The following DNAAF9 variants were observed in gnomAD, a reference collection of about 807,000 sequenced individuals.
The protein encoded by DNAAF9 is dynein axonemal assembly factor 9.
In DNAAF9, 90 loss-of-function variants were observed where a neutral mutation model predicts 167.0. That is an observed-to-expected ratio of 0.54 (90% CI 0.45 to 0.64). The LOEUF is 0.64. DNAAF9 is among the 30% of genes least tolerant of loss of function. The pLI is 0.00. For synonymous variants in DNAAF9, 491 were observed against 508.8 expected (o/e 0.96, Z 0.47); for missense variants, 1,315 against 1,442.2 (o/e 0.91, Z 1.43).
chr20:3,359,561 G>C lies in DNAAF9; in HGVS notation c.645C>G (p.Val215=), dbSNP rs1193054840. The C allele has an allele frequency of 6.2e-7, 1 of 1,612,658 alleles. No homozygotes were observed. The highest frequency in any genetic ancestry group is 1.3e-5 in the African/African-American group (1 of 74,832). The change falls in exon 7 of 37, where the codon GTC becomes GTG. Residue 215 remains valine (V), a synonymous_variant. Transcript: ENST00000252032. ...GAGACATAGGATCCATCTTGCTGTA[G>C]ACATTCCATAGATTCAAACTCACAT... ...LQDVSLNLWN[V]YSKMDPMSLE...
chr20:3,391,343 A>T (rs995455582), intron 1 of DNAAF9, among the ~76,000 whole-genome samples: 3 of 152,120 alleles, frequency 2.0e-5, no homozygotes, highest in African/African-American at 7.2e-5. Flanking sequence ...AGTAAGTATT[A>T]AAAAACCCAC....
At chr20:3,295,236 G>A (rs997345114) in intron 23 of DNAAF9, among the ~76,000 whole-genome samples, 10 of 151,658 alleles carry the variant, frequency 6.6e-5, no homozygotes, top group South Asian at 2.1e-4. Context: ...GCAGTGGCAC[G>A]ATCTCGGCTC....
intron 28 of DNAAF9, among the ~76,000 whole-genome samples, chr20:3,280,255 G>A (rs1233365271): frequency 4.6e-5 from 7 of 152,048 alleles, no homozygotes; most frequent in African/African-American, 1.7e-4. Context: ...CACACAGTAA[G>A]CATTCTTTTA....
intron 34 of DNAAF9, among the ~76,000 whole-genome samples, chr20:3,255,731 G>A (rs2068268307): frequency 6.6e-6 from 1 of 152,234 alleles, no homozygotes; most frequent in Non-Finnish European, 1.5e-5. Context: ...GTTCTAGGAT[G>A]AACTAAACCC....
chr20:3,316,425 C>A (rs530761856), intron 18 of DNAAF9, among the ~76,000 whole-genome samples: 2 of 152,214 alleles, frequency 1.3e-5, no homozygotes, highest in South Asian at 4.1e-4. Flanking sequence ...CCGTTCAACT[C>A]CTAAGCTCAG....
intron 7 of DNAAF9, among the ~76,000 whole-genome samples, chr20:3,350,140 G>GACACACACACACACACAC (rs1491384105): frequency 9.2e-4 from 106 of 115,756 alleles, no homozygotes; most frequent in Middle Eastern, 5.4e-3. Context: ...CAGACACACA[G>GACACACACACACACACAC]ACACACAGAC....
intron 21 of DNAAF9, among the ~76,000 whole-genome samples, chr20:3,298,907 CTTTTTT>C (rs397865293): frequency 0.02 from 2,348 of 119,534 alleles, 69 homozygotes; most frequent in African/African-American, 0.07. Flanking sequence ...TGTTTTAGCT[CTTTTTT>C]TTTTTTTTTT....
intron 31 of DNAAF9, among the ~76,000 whole-genome samples, chr20:3,261,026 G>A (rs1430202852): frequency 6.6e-6 from 1 of 151,902 alleles, no homozygotes; most frequent in Non-Finnish European, 1.5e-5. Context: ...ACCTGTCACA[G>A]AAGGAACTGG....
At chr20:3,353,165 C>T (rs933323023) in intron 7 of DNAAF9, among the ~76,000 whole-genome samples, 1 of 150,968 alleles carries the variant, frequency 6.6e-6, no homozygotes, top group Non-Finnish European at 1.5e-5. Flanking sequence ...ATATATACAT[C>T]TGAGCCCTCC....
intron 6 of DNAAF9, among the ~76,000 whole-genome samples, chr20:3,360,757 G>A (rs549166802): frequency 2.0e-5 from 3 of 152,300 alleles, no homozygotes; most frequent in South Asian, 4.1e-4. Flanking sequence ...CCAATGGATT[G>A]CAAGGATGAC....
chr20:3,361,023 A>C (rs1417250156), intron 6 of DNAAF9, among the ~76,000 whole-genome samples: 1 of 152,072 alleles, frequency 6.6e-6, no homozygotes, highest in Non-Finnish European at 1.5e-5. Flanking sequence ...CCCAATATTC[A>C]TTTCCCAGGC....
At chr20:3,353,631 GCACCA>G (rs1424788748) in intron 7 of DNAAF9, among the ~76,000 whole-genome samples, 29 of 37,368 alleles carry the variant, frequency 7.8e-4, no homozygotes, top group African/African-American at 3.0e-3. Context: ...CTGTCCCCCC[GCACCA>G]CCCCCCCCCC....
At position 3,324,886 on chromosome 20, in the gene DNAAF9, G is replaced by T; in HGVS notation, c.1265+6C>A. ...TTCCTTATAAAAAATATCAGCCATT[G>T]CTTACCGCAGGGCTGCCTTAAACGG... On this transcript the variant is annotated splice_donor_region_variant and intron_variant, in intron 14 of 36. Transcript: ENST00000252032. 6.6e-7 allele frequency: 1 copy of T among 1,519,758 alleles called. No individual in the cohort carries two copies. Among genetic ancestry groups the T allele is most frequent in the Non-Finnish European group, 9.1e-7 (1 of 1,101,016 alleles). The allele number at this position is 1,519,758 out of a possible 1,614,324, so 94.1% of individuals were successfully genotyped here.
At chr20:3,297,575 G>A (rs997690000) in intron 22 of DNAAF9, among the ~76,000 whole-genome samples, 3 of 152,110 alleles carry the variant, frequency 2.0e-5, no homozygotes, top group South Asian at 4.1e-4. Flanking sequence ...TAAGTGGGTC[G>A]TTTCATTCTC....
At chr20:3,266,061 T>C (rs908454301) in intron 30 of DNAAF9, among the ~76,000 whole-genome samples, 1 of 152,204 alleles carries the variant, frequency 6.6e-6, no homozygotes, top group Non-Finnish European at 1.5e-5. Flanking sequence ...GTGTTGATAT[T>C]TGAGAGTACA....
At position 3,269,108 on chromosome 20, in the gene DNAAF9, C is replaced by A. The variant is rs560056922; in HGVS notation, c.2786+1319G>T. 2.1e-3 allele frequency among the ~76,000 whole-genome samples: 319 copies of A among 151,546 alleles called. 1 individual carries two copies. The highest frequency in any genetic ancestry group is 7.3e-3 in the African/African-American group (301 of 41,364). ...TTTAAATATAGAGGCGGGGTTCCAC[C>A]GTGTTAACAAGGATGGTCTCAATCT... is the stretch of plus-strand genomic sequence containing the variant. On this transcript the variant is annotated intron_variant, in intron 30 of 36. Coordinates refer to ENST00000252032, the MANE Select transcript of DNAAF9 (RefSeq NM_001009984.3).
chr20:3,401,016 T>C (rs150532382), intron 1 of DNAAF9, among the ~76,000 whole-genome samples: 4 of 152,312 alleles, frequency 2.6e-5, no homozygotes, highest in Admixed American at 2.6e-4. Context: ...GGCATTGGCT[T>C]GCTTTGCATT....
chr20:3,350,250 G>A (rs935418934), intron 7 of DNAAF9, among the ~76,000 whole-genome samples: 10 of 151,798 alleles, frequency 6.6e-5, no homozygotes, highest in Non-Finnish European at 1.5e-4. Context: ...GAGGCTGAGG[G>A]GGAGGATCAT....
At chr20:3,347,935 G>T (rs544377326) in intron 8 of DNAAF9, among the ~76,000 whole-genome samples, 1 of 151,902 alleles carries the variant, frequency 6.6e-6, no homozygotes, top group African/African-American at 2.4e-5. Flanking sequence ...GGTAAAATGC[G>T]TAACAACAAA....
Sources: gnomAD v4.1 joint callset for allele counts (sites outside exome capture counted in the v4.1 genomes callset) on GRCh38, gnomAD v4.1.1 for gene constraint, MANE v1.5 for transcripts, NCBI Gene and HGNC (gene_info 2026-07-23, HGNC 2026-07-21) for gene names.